The following TENM2 variants were observed in gnomAD, a reference collection of about 807,000 sequenced individuals.
TENM2 encodes the protein teneurin-2.
TENM2 carries 52 observed loss-of-function variants against 245.2 expected under a neutral mutation model. The observed-to-expected ratio is 0.21, with a 90% CI of 0.17 to 0.27. The LOEUF (loss-of-function observed/expected upper bound fraction) is 0.27. Ranked by LOEUF, TENM2 falls within the 10% of genes least tolerant of loss-of-function variation. TENM2 has a pLI of 1.00. For missense variants in TENM2, 3,046 were observed against 3,666.8 expected (o/e 0.83, Z 4.37); for synonymous variants, 1,363 against 1,438.9 (o/e 0.95, Z 1.19).
At chr5:167,247,149 C>T in the TENM2 span, among the ~76,000 whole-genome samples, 1 of 152,122 alleles carries the variant, frequency 6.6e-6, no homozygotes, top group South Asian at 2.1e-4. Flanking sequence ...TCCCAAACAA[C>T]AACGCAAGAG....
At chr5:167,521,054 A>G (rs751707702) in intron 2 of TENM2, among the ~76,000 whole-genome samples, 3 of 151,618 alleles carry the variant, frequency 2.0e-5, no homozygotes, top group African/African-American at 2.4e-5. Context: ...TCATAGAGCC[A>G]ATAACATGGT....
intron 2 of TENM2, among the ~76,000 whole-genome samples, chr5:167,789,315 C>T (rs1764791340): frequency 6.6e-6 from 1 of 152,212 alleles, no homozygotes; most frequent in South Asian, 2.1e-4. Context: ...CAAGTAAGAG[C>T]TACCCATTGT....
intron 2 of TENM2, among the ~76,000 whole-genome samples, chr5:167,738,980 A>G (rs1760989464): frequency 1.3e-5 from 2 of 152,242 alleles, no homozygotes; most frequent in South Asian, 4.1e-4. Context: ...CCATTCTGTA[A>G]CAGGGATGAA....
At chr5:168,128,399 A>C (rs1202101400) in intron 12 of TENM2, among the ~76,000 whole-genome samples, 1 of 152,210 alleles carries the variant, frequency 6.6e-6, no homozygotes, top group African/African-American at 2.4e-5. Flanking sequence ...GGTGTTATTT[A>C]CATGAAGATT....
chr5:167,041,678 G>T, the TENM2 span, among the ~76,000 whole-genome samples: 1 of 152,146 alleles, frequency 6.6e-6, no homozygotes, highest in Admixed American at 6.5e-5. Context: ...TTATGATTTT[G>T]TATTTTGGTT....
intron 2 of TENM2, among the ~76,000 whole-genome samples, chr5:167,857,267 C>T (rs1213108047): frequency 6.6e-6 from 1 of 152,192 alleles, no homozygotes. Context: ...TTGAATTTCG[C>T]TCTTTTTCCA....
the TENM2 span, among the ~76,000 whole-genome samples, chr5:167,175,477 C>T: frequency 6.6e-6 from 1 of 152,262 alleles, no homozygotes; most frequent in Non-Finnish European, 1.5e-5. Context: ...CATTTTGTCA[C>T]ATTCTTTGTC....
intron 6 of TENM2, among the ~76,000 whole-genome samples, chr5:168,054,260 T>G (rs960903673): frequency 6.6e-6 from 1 of 152,192 alleles, no homozygotes. Flanking sequence ...TGTAATTGCA[T>G]TCCTAAAGTA....
chr5:167,635,997 T>A (rs1000200148), intron 2 of TENM2, among the ~76,000 whole-genome samples: 9 of 151,230 alleles, frequency 6.0e-5, no homozygotes, highest in Non-Finnish European at 1.3e-4. Flanking sequence ...AAGAAACACA[T>A]AAGGAGGAAG....
At chr5:167,790,581 T>G (rs1764882191) in intron 2 of TENM2, among the ~76,000 whole-genome samples, 1 of 152,116 alleles carries the variant, frequency 6.6e-6, no homozygotes, top group South Asian at 2.1e-4. Context: ...CCTGGACCCT[T>G]CAGATTATAA....
Position 168,019,293 on chromosome 5 carries a change from C to T in TENM2, c.1186+26111C>T, listed in dbSNP as rs192589076. On this transcript the variant is annotated intron_variant, in intron 5 of 28. Transcript: ENST00000518659. ...GATTTGATTCTTAAGTGACTCAAAA[C>T]CCGCCAACAATTCTGAGTGGAAGAG... Among the ~76,000 whole-genome samples, 25 of 152,294 alleles carry T rather than the reference C, an allele frequency of 1.6e-4. 1 individual carries two copies.
chr5:167,289,630 AC>A (rs1301213396), intron 1 of TENM2, among the ~76,000 whole-genome samples: 6 of 152,228 alleles, frequency 3.9e-5, no homozygotes, highest in Admixed American at 3.9e-4. Flanking sequence ...TACTCCATAA[AC>A]TAATTCTTGC....
intron 4 of TENM2, among the ~76,000 whole-genome samples, chr5:167,979,262 A>T (rs1782659476): frequency 6.6e-6 from 1 of 152,234 alleles, no homozygotes; most frequent in Non-Finnish European, 1.5e-5. Context: ...GGGGATCAAC[A>T]TAGGATTTTT....
chr5:168,240,248 C>A (rs139304602), intron 25 of TENM2, among the ~76,000 whole-genome samples: 37 of 152,214 alleles, frequency 2.4e-4, no homozygotes, highest in African/African-American at 8.2e-4. Flanking sequence ...AAGACCCAAA[C>A]CCCTATTCCC....
chr5:167,931,110 A>G (rs779947022), intron 3 of TENM2, among the ~76,000 whole-genome samples: 25 of 152,242 alleles, frequency 1.6e-4, no homozygotes, highest in Non-Finnish European at 2.8e-4. Flanking sequence ...GCCATTTGTA[A>G]TCATCCCAAG....
intron 2 of TENM2, among the ~76,000 whole-genome samples, chr5:167,666,052 C>T (rs994604423): frequency 5.9e-5 from 9 of 152,168 alleles, no homozygotes; most frequent in Admixed American, 3.9e-4. Flanking sequence ...GTAAAACAGG[C>T]GATTCCCGTC....
At chr5:167,801,162 T>TCC (rs1765741672) in intron 2 of TENM2, among the ~76,000 whole-genome samples, 1 of 121,792 alleles carries the variant, frequency 8.2e-6, no homozygotes, top group South Asian at 2.9e-4. Flanking sequence ...ATGTATATAT[T>TCC]CCCCAGGGTC....
At chr5:167,149,244 C>G in the TENM2 span, among the ~76,000 whole-genome samples, 1 of 151,700 alleles carries the variant, frequency 6.6e-6, no homozygotes, top group Non-Finnish European at 1.5e-5. Context: ...TAGATTGCAA[C>G]CTCCCAGAGG....
At chr5:167,646,105 C>T (rs944799228) in intron 2 of TENM2, among the ~76,000 whole-genome samples, 1 of 148,908 alleles carries the variant, frequency 6.7e-6, no homozygotes, top group African/African-American at 2.5e-5. Flanking sequence ...TATATATACA[C>T]ACACACATAT....
Sources: allele counts gnomAD v4.1 joint callset (sites outside exome capture counted in the v4.1 genomes callset), GRCh38; gene constraint gnomAD v4.1.1; transcripts MANE v1.5; gene names NCBI Gene and HGNC (gene_info 2026-07-23, HGNC 2026-07-21).